Variants in FAM120B observed in about 807,000 individuals in gnomAD.
FAM120B encodes the protein family with sequence similarity 120 member B, also known as constitutive coactivator of peroxisome proliferator-activated receptor gamma.
FAM120B carries 83 observed loss-of-function variants against 96.3 expected under a neutral mutation model. The observed-to-expected ratio is 0.86, with a 90% CI of 0.72 to 1.03. The LOEUF (loss-of-function observed/expected upper bound fraction) is 1.03. FAM120B is among the 50% of genes least tolerant of loss of function. The pLI, the probability that FAM120B is intolerant of heterozygous loss-of-function variation, is 0.00. For missense variants in FAM120B, 1,027 were observed against 1,121.2 expected (o/e 0.92, Z 1.20); for synonymous variants, 407 against 402.7 (o/e 1.01, Z -0.13).
At position 170,358,290 on chromosome 6, in the gene FAM120B, A is replaced by T; in HGVS notation, c.2255A>T (p.Lys752Ile). 6.2e-7 allele frequency: 1 copy of T among 1,606,674 alleles called. No homozygotes were observed. Among genetic ancestry groups the T allele is most frequent in the Admixed American group, 1.7e-5 (1 of 59,570 alleles). ...GCGCAGGCCTTGTGCCTCCAAGGAA[A>T]ATCCACCTCGCAGCTTGTAAATCTA... Reference protein sequence around the residue: ...FIAQALCLQGKSTSQLVNLQP... With the variant: ...FIAQALCLQGISTSQLVNLQP... Residue 752 changes from lysine to isoleucine, a missense_variant, in exon 6 of 11, where the codon AAA becomes ATA. Physicochemically the swap from Lys to Ile is moderately radical, Grantham distance 102. Coordinates refer to ENST00000476287, the MANE Select transcript of FAM120B (RefSeq NM_032448.3).
intron 3 of FAM120B, among the ~76,000 whole-genome samples, chr6:170,328,304 C>T (rs1003617527): frequency 2.6e-5 from 4 of 152,150 alleles, no homozygotes; most frequent in Admixed American, 2.0e-4. Flanking sequence ...GACACAAGCA[C>T]GCACATTAGT....
At chr6:170,385,740 A>G (rs1405734437) in intron 6 of FAM120B, among the ~76,000 whole-genome samples, 2 of 152,214 alleles carry the variant, frequency 1.3e-5, no homozygotes, top group African/African-American at 4.8e-5. Flanking sequence ...GATGTCCTTC[A>G]GTGGGTGATT....
At chr6:170,304,587 G>A (rs373807663), upstream of FAM120B, among the ~76,000 whole-genome samples, 13 of 151,688 alleles carry the variant, frequency 8.6e-5, no homozygotes, top group African/African-American at 2.7e-4. Context: ...CGATACCATC[G>A]AATCCATCTG....
chr6:170,361,258 G>GTA (rs1276422955), intron 6 of FAM120B, among the ~76,000 whole-genome samples: 9 of 112,078 alleles, frequency 8.0e-5, no homozygotes, highest in African/African-American at 2.5e-4. Context: ...ATATATACGT[G>GTA]TATATATATA....
chr6:170,291,863 C>G (rs1013599457), upstream of FAM120B, among the ~76,000 whole-genome samples: 2 of 152,160 alleles, frequency 1.3e-5, no homozygotes, highest in Admixed American at 6.5e-5. Flanking sequence ...CGCCCTCCCC[C>G]ACAGGATCCT....
In FAM120B at chr6:170,295,763, C is replaced by T. The variant is rs1783985414; in HGVS notation, c.48+310C>T. On this transcript the variant is annotated intron_variant, in intron 1 of 10. Coordinates refer to the FAM120B transcript ENST00000537664. This position sits in a 1 kb window ranked among gnomAD's most constrained non-coding sequence, Gnocchi z 7.8. Reference sequence around the variant, plus strand: ...AGAACAGGAAGACGGGCTCCAACCCCACCTGGTTCGTGTCGGGGGGTCGTT... The same window carrying T: ...AGAACAGGAAGACGGGCTCCAACCCTACCTGGTTCGTGTCGGGGGGTCGTT... Among the ~76,000 whole-genome samples, 1 of 152,126 alleles carries T rather than the reference C, an allele frequency of 6.6e-6. No individual in the cohort carries two copies.
At chr6:170,345,943 A>T (rs544547830) in intron 4 of FAM120B, among the ~76,000 whole-genome samples, 295 of 152,294 alleles carry the variant, frequency 1.9e-3, no homozygotes, top group African/African-American at 6.9e-3. Context: ...CACAAACCTA[A>T]ATTGTGTGGC....
At chr6:170,322,740 A>T (rs1259191538) in intron 2 of FAM120B, among the ~76,000 whole-genome samples, 2 of 152,096 alleles carry the variant, frequency 1.3e-5, no homozygotes, top group African/African-American at 4.8e-5. Context: ...AAAGGGGAGA[A>T]ACTGGTCTAG....
rs747848025 is a variant in FAM120B, at chr6:170,363,403, A to C, written c.2283+5085A>C. Among the ~76,000 whole-genome samples the C allele has an allele frequency of 6.6e-6, 1 of 152,278 alleles. No homozygotes were observed. Among genetic ancestry groups the C allele is most frequent in the Non-Finnish European group, 1.5e-5 (1 of 68,054 alleles). On this transcript the variant is annotated intron_variant, in intron 6 of 10. Transcript: ENST00000476287. This position sits in a 1 kb window ranked among gnomAD's most constrained non-coding sequence, Gnocchi z 4.5. The stretch of plus-strand genomic sequence containing the variant: ...GTACCCACCGCTGTCCCTGGTGTGC[A>C]TGGCGAGTGCAGCAAGTCACACCTG...
intron 2 of FAM120B, among the ~76,000 whole-genome samples, chr6:170,319,926 A>G (rs1785177130): frequency 6.6e-6 from 1 of 152,234 alleles, no homozygotes; most frequent in Non-Finnish European, 1.5e-5. Context: ...AGGAATTTGG[A>G]CTTAATTCTG....
intron 6 of FAM120B, among the ~76,000 whole-genome samples, chr6:170,366,055 C>T (rs981321194): frequency 5.3e-5 from 8 of 152,118 alleles, no homozygotes; most frequent in East Asian, 1.9e-4. Context: ...AAGTCTTGTA[C>T]GAAAAAATAG....
chr6:170,363,487 C>T lies in FAM120B; in HGVS notation c.2283+5169C>T, dbSNP rs1432489758. Among the ~76,000 whole-genome samples the T allele has an allele frequency of 6.6e-6, 1 of 152,220 alleles. No homozygotes were observed. Among genetic ancestry groups the T allele is most frequent in the Non-Finnish European group, 1.5e-5 (1 of 68,046 alleles). ...CAGCTTGGCCTGGGGCCTGCTGGGG[C>T]GCTCAGAAAACAGCAAGCTGTGTGT... On this transcript the variant is annotated intron_variant, in intron 6 of 10. Coordinates refer to ENST00000476287, the MANE Select transcript of FAM120B (RefSeq NM_032448.3). The surrounding 1 kb of genome is among the most constrained non-coding windows in gnomAD (Gnocchi z 4.5).
chr6:170,336,637 C>T (rs982185765), intron 4 of FAM120B, among the ~76,000 whole-genome samples: 2 of 152,216 alleles, frequency 1.3e-5, no homozygotes, highest in African/African-American at 4.8e-5. Context: ...TGGCCATTTT[C>T]ATGATATTAA....
chr6:170,324,253 AT>A (rs1469674302), intron 3 of FAM120B, among the ~76,000 whole-genome samples: 31 of 152,314 alleles, frequency 2.0e-4, no homozygotes, highest in Admixed American at 2.0e-3. Context: ...TAGTGGGGTT[AT>A]TTAAATCCAG....
upstream of FAM120B, among the ~76,000 whole-genome samples, chr6:170,291,471 TGGC>T (rs1252991996): frequency 6.6e-6 from 1 of 151,762 alleles, no homozygotes; most frequent in Non-Finnish European, 1.5e-5. Flanking sequence ...CCCGAGCTCT[TGGC>T]GGGGCCGCCC....
At chr6:170,341,652 G>A (rs1219292845) in intron 4 of FAM120B, among the ~76,000 whole-genome samples, 5 of 152,168 alleles carry the variant, frequency 3.3e-5, no homozygotes. Context: ...CTTCTGATCT[G>A]CGGATTGCAA....
chr6:170,324,923 A>G (rs1402126024), intron 3 of FAM120B, among the ~76,000 whole-genome samples: 1 of 152,244 alleles, frequency 6.6e-6, no homozygotes, highest in African/African-American at 2.4e-5. Context: ...GTTGTTGAGT[A>G]GAGTGTTCTG....
intron 3 of FAM120B, among the ~76,000 whole-genome samples, chr6:170,327,149 C>A (rs1785645223): frequency 6.6e-6 from 1 of 152,076 alleles, no homozygotes; most frequent in Non-Finnish European, 1.5e-5. Flanking sequence ...CGGGTTCACA[C>A]CATTCTCCTG....
chr6:170,318,149 A>T lies in FAM120B; in HGVS notation c.759A>T (p.Val253=). The T allele has an allele frequency of 6.2e-7, 1 of 1,614,242 alleles. No homozygotes were observed. Among genetic ancestry groups the T allele is most frequent in the Non-Finnish European group, 8.5e-7 (1 of 1,180,046 alleles). Residue 253 remains valine, a synonymous_variant, in exon 2 of 11, where the codon GTA becomes GTT. Coordinates refer to ENST00000476287, the MANE Select transcript of FAM120B (RefSeq NM_032448.3). ...AATGCTTATCGTCCTACACCTCTGT[A>T]AAAGAGAACTTTGACAAAAAAGGTA... The part of the protein sequence containing the change: ...RYKCLSSYTS[V]KENFDKKGNI...
Sources: allele counts gnomAD v4.1 joint callset (sites outside exome capture counted in the v4.1 genomes callset), GRCh38; gene constraint gnomAD v4.1.1; non-coding constraint Gnocchi (gnomAD v3.1); transcripts MANE v1.5; gene names NCBI Gene and HGNC (gene_info 2026-07-23, HGNC 2026-07-21).